TMEM184B: variants seen among roughly 807,000 people sequenced by gnomAD.
TMEM184B encodes putative MAPK-activating protein FM08.
A neutral mutation model predicts 41.8 loss-of-function variants in TMEM184B; 17 were observed. The observed-to-expected ratio is 0.41, with a 90% confidence interval of 0.28 to 0.61. The LOEUF is 0.61. TMEM184B is among the 20% of genes least tolerant of loss of function. The pLI is 0.34. For missense variants in TMEM184B, 393 were observed against 557.8 expected (o/e 0.70, Z 2.98); for synonymous variants, 240 against 229.5 (o/e 1.05, Z -0.41).
Position 38,220,845 on chromosome 22 carries a change from G to C in TMEM184B, c.*624C>G, listed in dbSNP as rs1423159699. 1 of 986,040 alleles carries C rather than the reference G, an allele frequency of 1.0e-6. No homozygotes were observed. Among genetic ancestry groups the C allele is most frequent in the Non-Finnish European group, 1.2e-6 (1 of 830,168 alleles). The allele number at this position is 986,040 out of a possible 1,614,324, so 61.1% of individuals were successfully genotyped here. ...CTGCTTCAACAGAAGCGGTGCCCAG[G>C]GGCCCTGAATGCCCTTCCTGGGTGG... is the stretch of plus-strand genomic sequence containing the variant. On this transcript the variant is annotated 3_prime_UTR_variant, in exon 9 of 9. Transcript: ENST00000361906.
chr22:38,270,526 G>A (rs930402079), intron 1 of TMEM184B, among the ~76,000 whole-genome samples: 1 of 152,166 alleles, frequency 6.6e-6, no homozygotes, highest in Admixed American at 6.5e-5. Context: ...GCACATATTT[G>A]TTACACATTG....
At position 38,224,328 on chromosome 22, in the gene TMEM184B, A is replaced by C. The variant is rs568306968; in HGVS notation, c.982+457T>G. Among the ~76,000 whole-genome samples, 107 of 152,216 alleles carry C rather than the reference A, an allele frequency of 7.0e-4. 2 individuals carry two copies. The highest frequency in any genetic ancestry group is 6.9e-3 in the South Asian group (33 of 4,816). ...ACAGGGTTTCACCGTGTTAGCCAGG[A>C]TGGTCTCGATCTCCTGACCTTGTGA... is the stretch of plus-strand genomic sequence containing the variant. On this transcript the variant is annotated intron_variant, in intron 8 of 8. Transcript: ENST00000361906.
intron 3 of TMEM184B, chr22:38,231,825 T>G (rs1189671656): frequency 3.9e-6 from 1 of 255,210 alleles, no homozygotes; most frequent in Non-Finnish European, 7.8e-6. Flanking sequence ...ATCTGGTGTC[T>G]GCACCAAGTC....
chr22:38,234,480 T>A (rs531899145), intron 3 of TMEM184B, among the ~76,000 whole-genome samples: 3 of 152,334 alleles, frequency 2.0e-5, no homozygotes, highest in African/African-American at 7.2e-5. Flanking sequence ...CTGCACCCAG[T>A]CCAAATTCTT....
In TMEM184B at chr22:38,225,485, G is replaced by A; in HGVS notation, c.726C>T (p.Pro242=). 6.3e-7 allele frequency: 1 copy of A among 1,592,052 alleles called. No individual in the cohort carries two copies. The highest frequency in any genetic ancestry group is 1.4e-5 in the African/African-American group (1 of 73,270). The change falls in exon 7 of 9, where the codon CCC becomes CCT. Residue 242 remains proline, a synonymous_variant. Transcript: ENST00000361906. This position sits in a 1 kb window ranked among gnomAD's most constrained non-coding sequence, Gnocchi z 4.4. ...TGAAGAACTTGAGGACGGGGCTGTA[G>A]GGGCTGAGCAGCTCCCGGGTGGCGA... ...FYFATRELLS[P]YSPVLKFFMV... is the part of the protein sequence containing the mutation.
rs1193852413 is a variant in TMEM184B at position 38,247,926 on chromosome 22, T to C, written c.36A>G (p.Pro12=). The change falls in exon 2 of 9, where the codon CCA becomes CCG. Residue 12 remains proline (P), a synonymous_variant. Coordinates refer to ENST00000361906, the MANE Select transcript of TMEM184B (RefSeq NM_012264.5). ...TVRGDVLAPD[P]ASPTTAAASP... Reference sequence around the variant, plus strand: ...AGGCTGCTGCGGTCGTGGGCGACGCTGGATCCGGGGCCAGCACATCCCCCC... The same window carrying C: ...AGGCTGCTGCGGTCGTGGGCGACGCCGGATCCGGGGCCAGCACATCCCCCC... 1.3e-6 allele frequency: 2 copies of C among 1,596,888 alleles called. No homozygotes were observed. Among genetic ancestry groups the C allele is most frequent in the African/African-American group, 2.7e-5 (2 of 74,932 alleles).
At position 38,257,077 on chromosome 22, in the gene TMEM184B, A is replaced by G. The variant is rs542243468; in HGVS notation, c.-58-9058T>C. On this transcript the variant is annotated intron_variant, in intron 1 of 8. Coordinates refer to ENST00000361906, the MANE Select transcript of TMEM184B (RefSeq NM_012264.5). Reference sequence around the variant, plus strand: ...ACTCACGGCAACCTCCACCTCCAGAATTCAAGTGATTCTCCTGCCTCAGCC... The same window carrying G: ...ACTCACGGCAACCTCCACCTCCAGAGTTCAAGTGATTCTCCTGCCTCAGCC... Among the ~76,000 whole-genome samples the G allele has an allele frequency of 6.2e-4, 94 of 150,442 alleles. 1 individual carries two copies. Among genetic ancestry groups the G allele is most frequent in the Non-Finnish European group, 3.0e-4 (20 of 67,608 alleles).
Position 38,220,212 on chromosome 22 carries a change from G to T in TMEM184B, c.*1257C>A. 1.0e-6 allele frequency: 1 copy of T among 985,522 alleles called. No individual in the cohort carries two copies. Among genetic ancestry groups the T allele is most frequent in the East Asian group, 1.1e-4 (1 of 8,770 alleles). The allele number at this position is 985,522 out of a possible 1,614,324, so 61.0% of individuals were successfully genotyped here. A position where few individuals can be genotyped will look rare whatever the true frequency, so the allele number is the denominator to read the frequency against. On this transcript the variant is annotated 3_prime_UTR_variant, in exon 9 of 9. Transcript: ENST00000361906. ...TTCCGGAGGCCCCAGGTCTAGAGGT[G>T]TGGAGGGGGAGAGGAGGGGCTTGGT...
At chr22:38,263,222 G>C (rs1362933818) in intron 1 of TMEM184B, among the ~76,000 whole-genome samples, 1 of 152,114 alleles carries the variant, frequency 6.6e-6, no homozygotes, top group African/African-American at 2.4e-5. Flanking sequence ...TTCTTGGAAA[G>C]GCGTACATTC....
Position 38,221,090 on chromosome 22 carries a change from A to T in TMEM184B, c.*379T>A. On this transcript the variant is annotated 3_prime_UTR_variant, in exon 9 of 9. Coordinates refer to ENST00000361906, the MANE Select transcript of TMEM184B (RefSeq NM_012264.5). ...GGGGGAGCCACGGCTTGCCGACCTC[A>T]GCCTGAGAGTCTCGCGGGGAGGAGG... 9.3e-7 allele frequency: 1 copy of T among 1,073,052 alleles called. No individual in the cohort carries two copies. The allele number at this position is 1,073,052 out of a possible 1,614,324, so 66.5% of individuals were successfully genotyped here.
At position 38,225,148 on chromosome 22, in the gene TMEM184B, C is replaced by G. The variant is rs1436767692; in HGVS notation, c.788-169G>C. On this transcript the variant is annotated intron_variant, in intron 7 of 8. Transcript: ENST00000361906. The surrounding 1 kb of genome is among the most constrained non-coding windows in gnomAD (Gnocchi z 4.4). ...ACACAAGGCCACAGCCTCCGGAAACCCCACTCTCCCAGCTCTTTGCCACCG... is the reference window on the plus strand; with the variant it reads ...ACACAAGGCCACAGCCTCCGGAAACGCCACTCTCCCAGCTCTTTGCCACCG... Among the ~76,000 whole-genome samples, 1 of 152,206 alleles carries G rather than the reference C, an allele frequency of 6.6e-6. No individual in the cohort carries two copies. The highest frequency in any genetic ancestry group is 1.5e-5 in the Non-Finnish European group (1 of 68,034).
At chr22:38,236,545 G>A (rs965710401) in intron 3 of TMEM184B, among the ~76,000 whole-genome samples, 2 of 151,634 alleles carry the variant, frequency 1.3e-5, no homozygotes, top group Admixed American at 1.3e-4. Flanking sequence ...GCACACAGAT[G>A]CGATCACGGC....
At chr22:38,260,140 C>T (rs185268272) in intron 1 of TMEM184B, among the ~76,000 whole-genome samples, 2 of 152,270 alleles carry the variant, frequency 1.3e-5, no homozygotes, top group East Asian at 3.9e-4. Context: ...GAACTCCTGA[C>T]CTTGTGTTCC....
rs1309468039 is a variant in TMEM184B, at chr22:38,220,134, GAC to G, written c.*1333_*1334del. The G allele has an allele frequency of 1.0e-6, 1 of 985,296 alleles. No individual in the cohort carries two copies. The highest frequency in any genetic ancestry group is 1.7e-5 in the African/African-American group (1 of 57,206). The allele number at this position is 985,296 out of a possible 1,614,324, so 61.0% of individuals were successfully genotyped here. On this transcript the variant is annotated 3_prime_UTR_variant, in exon 9 of 9. Transcript: ENST00000361906. ...CTTTGCCTGTAGGGACACGTGTTGT[GAC>G]ACGAGGCTCTTCCTAAGTCAGGAGC... is the stretch of plus-strand genomic sequence containing the variant.
intron 1 of TMEM184B, among the ~76,000 whole-genome samples, chr22:38,260,171 G>A (rs959893987): frequency 2.0e-5 from 3 of 152,042 alleles, no homozygotes; most frequent in African/African-American, 7.2e-5. Context: ...TCCTCCCAAA[G>A]TTCTGGGATT....
At chr22:38,267,138 T>C (rs2092455506) in intron 1 of TMEM184B, among the ~76,000 whole-genome samples, 1 of 152,076 alleles carries the variant, frequency 6.6e-6, no homozygotes, top group African/African-American at 2.4e-5. Context: ...CTATTGTTTT[T>C]CAAAGGTACA....
At chr22:38,232,906 AC>A (rs2091672761) in intron 3 of TMEM184B, among the ~76,000 whole-genome samples, 1 of 152,170 alleles carries the variant, frequency 6.6e-6, no homozygotes, top group African/African-American at 2.4e-5. Context: ...CTGGGATGGC[AC>A]CCAGTGTGAC....
At chr22:38,236,665 T>C (rs1196746762) in intron 3 of TMEM184B, among the ~76,000 whole-genome samples, 1 of 152,100 alleles carries the variant, frequency 6.6e-6, no homozygotes, top group African/African-American at 2.4e-5. Flanking sequence ...TGTTTTTTGT[T>C]TTTTTGTAAA....
At position 38,272,823 on chromosome 22, in the gene TMEM184B, C is replaced by A. The variant is rs888113496; in HGVS notation, c.-59+61G>T. 21 of 984,742 alleles carry A rather than the reference C, an allele frequency of 2.1e-5. No homozygotes were observed. The Admixed American group carries it at 1.0e-3, about 49-fold the overall frequency. 61.0% of individuals were successfully genotyped at this position (984,742 alleles called of 1,614,324 possible). A position where few individuals can be genotyped will look rare whatever the true frequency, so the allele number is the denominator to read the frequency against. ...GGCCTCTCCGAAACAAGCAGCCCCC[C>A]GCGCTCGGGAGTCGCAGCTCCCCCT... is the stretch of plus-strand genomic sequence containing the variant. On this transcript the variant is annotated intron_variant, in intron 1 of 8. Coordinates refer to ENST00000361906, the MANE Select transcript of TMEM184B (RefSeq NM_012264.5).
Sources: allele counts gnomAD v4.1 joint callset (sites outside exome capture counted in the v4.1 genomes callset), GRCh38; gene constraint gnomAD v4.1.1; non-coding constraint Gnocchi (gnomAD v3.1); transcripts MANE v1.5; gene names NCBI Gene and HGNC (gene_info 2026-07-23, HGNC 2026-07-21).